The following KLHL3 variants were observed in gnomAD, a reference collection of about 807,000 sequenced individuals.
The protein encoded by KLHL3 is kelch-like protein 3.
KLHL3 carries 19 observed loss-of-function variants against 70.5 expected under a neutral mutation model. The observed-to-expected ratio is 0.27, with a 90% confidence interval of 0.19 to 0.40. KLHL3 has a LOEUF of 0.40. Ranked by LOEUF, KLHL3 falls within the 10% of genes least tolerant of loss-of-function variation. The probability of loss-of-function intolerance (pLI) is 1.00; values close to 1 mark genes in which losing one functional copy is unlikely to be tolerated. For missense variants in KLHL3, 512 were observed against 771.1 expected (o/e 0.66, Z 3.98); for synonymous variants, 258 against 290.3 (o/e 0.89, Z 1.13).
At chr5:137,671,426 G>A (rs189559870) in intron 6 of KLHL3, among the ~76,000 whole-genome samples, 6 of 152,092 alleles carry the variant, frequency 3.9e-5, no homozygotes, top group East Asian at 1.9e-4. Flanking sequence ...TTTTCAGTCC[G>A]TCTGCCCACC....
intron 8 of KLHL3, among the ~76,000 whole-genome samples, chr5:137,650,051 G>A (rs1751161587): frequency 6.6e-6 from 1 of 152,202 alleles, no homozygotes; most frequent in African/African-American, 2.4e-5. Flanking sequence ...ATGCAAAGAA[G>A]CTGCTCAGTA....
At chr5:137,626,474 T>G (rs1750464107) in intron 13 of KLHL3, among the ~76,000 whole-genome samples, 1 of 152,222 alleles carries the variant, frequency 6.6e-6, no homozygotes, top group Non-Finnish European at 1.5e-5. Context: ...GGGCAAGGTC[T>G]CATACAGCAG....
chr5:137,619,349 A>G lies in KLHL3; in HGVS notation c.*2749T>C, dbSNP rs1051438308. 2 of 152,792 alleles carry G rather than the reference A, an allele frequency of 1.3e-5. No individual in the cohort carries two copies. The highest frequency in any genetic ancestry group is 1.3e-4 in the Admixed American group (2 of 15,314). The allele number at this position is 152,792 out of a possible 1,614,324, so 9.5% of individuals were successfully genotyped here. ...AGATGCCATTGGGTACTTATGAGAAATAACTTTGGAATTCAGAATCTGACT... is the reference window on the plus strand; with the variant it reads ...AGATGCCATTGGGTACTTATGAGAAGTAACTTTGGAATTCAGAATCTGACT... On this transcript the variant is annotated 3_prime_UTR_variant, in exon 15 of 15. Coordinates refer to ENST00000309755, the MANE Select transcript of KLHL3 (RefSeq NM_017415.3).
At chr5:137,690,487 G>C (rs1752292282) in intron 5 of KLHL3, among the ~76,000 whole-genome samples, 1 of 152,146 alleles carries the variant, frequency 6.6e-6, no homozygotes, top group Non-Finnish European at 1.5e-5. Context: ...AGGGAAAAGA[G>C]AGCACAGGAA....
Position 137,722,753 on chromosome 5 carries a change from G to A in KLHL3, c.15-2169C>T, listed in dbSNP as rs550725939. 2.2e-4 allele frequency among the ~76,000 whole-genome samples: 34 copies of A among 151,826 alleles called. No individual in the cohort carries two copies. In the South Asian group the frequency reaches 5.4e-3, roughly 24 times the overall value. On this transcript the variant is annotated intron_variant, in intron 1 of 14. Transcript: ENST00000309755. ...GAGTGCAGATCTTGGCTCAACCTCC[G>A]CCTCCTGGGTTCAAGTGATTCTCGT...
At chr5:137,724,485 G>T (rs897892143) in intron 1 of KLHL3, among the ~76,000 whole-genome samples, 3 of 152,142 alleles carry the variant, frequency 2.0e-5, no homozygotes. Flanking sequence ...TTACCAAAAG[G>T]TCTCAAACAC....
Position 137,625,832 on chromosome 5 carries a change from A to G in KLHL3, c.1656T>C (p.Ala552=). The stretch of plus-strand genomic sequence containing the variant: ...TGACAGGATTGTAGTACTCCACCGA[A>G]GCCAAGTTGCAGGATCCATCATCCC... The part of the protein sequence containing the change: ...VGGDDGSCNL[A]SVEYYNPVTD... The change falls in exon 14 of 15, where the codon GCT becomes GCC. Residue 552 remains alanine (A), a synonymous_variant. Transcript: ENST00000309755. 2.5e-6 allele frequency: 4 copies of G among 1,614,192 alleles called. No homozygotes were observed. The highest frequency in any genetic ancestry group is 3.4e-6 in the Non-Finnish European group (4 of 1,180,046).
intron 3 of KLHL3, among the ~76,000 whole-genome samples, chr5:137,698,804 A>T (rs1352629370): frequency 6.6e-6 from 1 of 152,248 alleles, no homozygotes; most frequent in African/African-American, 2.4e-5. Flanking sequence ...TTATAAACAG[A>T]GGTGATAAGA....
rs1044384855 is a variant in KLHL3, at chr5:137,639,806, C to T, written c.1021+54G>A. 3.3e-5 allele frequency: 45 copies of T among 1,347,710 alleles called. No homozygotes were observed. The South Asian group carries it at 3.8e-4, about 11-fold the overall frequency. The allele number at this position is 1,347,710 out of a possible 1,614,324, so 83.5% of individuals were successfully genotyped here. A position where few individuals can be genotyped will look rare whatever the true frequency, so the allele number is the denominator to read the frequency against. ...AAGGAGTAGCTCACGACTTCTGGCACGGAGTGGGGACCAGCAGGGGAAAAA... is the reference window on the plus strand; with the variant it reads ...AAGGAGTAGCTCACGACTTCTGGCATGGAGTGGGGACCAGCAGGGGAAAAA... On this transcript the variant is annotated intron_variant, in intron 9 of 14. Coordinates refer to ENST00000309755, the MANE Select transcript of KLHL3 (RefSeq NM_017415.3). This position sits in a 1 kb window ranked among gnomAD's most constrained non-coding sequence, Gnocchi z 5.0.
In KLHL3 at chr5:137,618,092, G is replaced by GTGCTGCTGGCTC. The variant is rs1171563241; in HGVS notation, c.*3994_*4005dup. Reference sequence around the variant, plus strand: ...TCTCTTCCATTCCCAAATGCTGGAAGTGCTGCTGGCTCTCCTGCTTGGTCA... The same window carrying GTGCTGCTGGCTC: ...TCTCTTCCATTCCCAAATGCTGGAAGTGCTGCTGGCTCTGCTGCTGGCTCTCCTGCTTGGTCA... On this transcript the variant is annotated 3_prime_UTR_variant, in exon 15 of 15. Coordinates refer to ENST00000309755, the MANE Select transcript of KLHL3 (RefSeq NM_017415.3). The GTGCTGCTGGCTC allele has an allele frequency of 6.6e-6, 1 of 152,598 alleles. No individual in the cohort carries two copies. The allele number at this position is 152,598 out of a possible 1,614,324, so 9.5% of individuals were successfully genotyped here.
chr5:137,701,287 A>T (rs1408529473), intron 3 of KLHL3, among the ~76,000 whole-genome samples: 1 of 152,128 alleles, frequency 6.6e-6, no homozygotes, highest in Non-Finnish European at 1.5e-5. Context: ...ACCTCAGACG[A>T]TCTGTCCTCC....
chr5:137,698,176 T>C (rs1369591468), intron 4 of KLHL3, 111 bp downstream of exon 4: 24 of 1,420,414 alleles, frequency 1.7e-5, no homozygotes, highest in African/African-American at 2.8e-5. Context: ...GGAGCTTTAG[T>C]TTCCTCTTCA....
chr5:137,631,342 C>G (rs1750632206), intron 12 of KLHL3, among the ~76,000 whole-genome samples: 1 of 152,198 alleles, frequency 6.6e-6, no homozygotes, highest in African/African-American at 2.4e-5. Context: ...CCCAAAGGAT[C>G]ATAGAGCTTC....
chr5:137,725,700 T>C (rs1161229030), intron 1 of KLHL3, among the ~76,000 whole-genome samples: 3 of 152,242 alleles, frequency 2.0e-5, no homozygotes, highest in Non-Finnish European at 2.9e-5. Flanking sequence ...CACATGAATC[T>C]AGTCAACTTT....
intron 8 of KLHL3, among the ~76,000 whole-genome samples, chr5:137,650,694 C>T (rs11954119): frequency 0.091 from 13,793 of 151,790 alleles, 1,420 homozygotes; most frequent in African/African-American, 0.26. Flanking sequence ...TGGTGGCAGG[C>T]GCCTGTAATC....
chr5:137,643,545 G>A (rs1447466696), intron 8 of KLHL3, among the ~76,000 whole-genome samples: 2 of 152,110 alleles, frequency 1.3e-5, no homozygotes, highest in Admixed American at 1.3e-4. Context: ...AGGAAGAGCA[G>A]GTATACATCT....
intron 2 of KLHL3, among the ~76,000 whole-genome samples, chr5:137,714,283 C>T (rs1752853115): frequency 6.6e-6 from 1 of 152,066 alleles, no homozygotes; most frequent in Non-Finnish European, 1.5e-5. Context: ...TTGGCAGTTC[C>T]TCCAAAGATT....
intron 8 of KLHL3, among the ~76,000 whole-genome samples, chr5:137,657,047 G>C (rs1751361229): frequency 6.6e-6 from 1 of 152,216 alleles, no homozygotes; most frequent in Non-Finnish European, 1.5e-5. Context: ...GGGACACTGA[G>C]ACATTTGTTC....
intron 5 of KLHL3, among the ~76,000 whole-genome samples, chr5:137,679,962 A>G (rs1751983300): frequency 6.6e-6 from 1 of 152,232 alleles, no homozygotes; most frequent in African/African-American, 2.4e-5. Context: ...TCCCGTTTCC[A>G]TTTAGTCTGA....
Sources: allele counts gnomAD v4.1 joint callset (sites outside exome capture counted in the v4.1 genomes callset), GRCh38; gene constraint gnomAD v4.1.1; non-coding constraint Gnocchi (gnomAD v3.1); transcripts MANE v1.5; gene names NCBI Gene and HGNC (gene_info 2026-07-23, HGNC 2026-07-21).